DRC11: variants seen among roughly 807,000 people sequenced by gnomAD.
The protein encoded by DRC11 is IQ and AAA domain-containing protein 1.
chr2:236,443,079 T>C, the DRC11 span, among the ~76,000 whole-genome samples: 5 of 152,322 alleles, frequency 3.3e-5, no homozygotes, highest in South Asian at 2.1e-4. This position sits in a 1 kb window ranked among gnomAD's most constrained non-coding sequence, Gnocchi z 4.4. Context: ...TTTTGTCACA[T>C]AGAACGTTAA....
the DRC11 span, among the ~76,000 whole-genome samples, chr2:236,378,172 T>A: frequency 6.6e-6 from 1 of 152,192 alleles, no homozygotes; most frequent in African/African-American, 2.4e-5. Context: ...TTGTATTGCA[T>A]CAAACATTTA....
At chr2:236,362,309 C>T in the DRC11 span, among the ~76,000 whole-genome samples, 1 of 152,172 alleles carries the variant, frequency 6.6e-6, no homozygotes, top group Admixed American at 6.5e-5. This position sits in a 1 kb window ranked among gnomAD's most constrained non-coding sequence, Gnocchi z 5.7. Flanking sequence ...TGCATATATA[C>T]ACAGATTTTC....
the DRC11 span, among the ~76,000 whole-genome samples, chr2:236,351,856 A>T: frequency 2.0e-5 from 3 of 151,730 alleles, no homozygotes; most frequent in African/African-American, 7.3e-5. The surrounding 1 kb of genome is among the most constrained non-coding windows in gnomAD (Gnocchi z 7.3). Flanking sequence ...CTAGATGCCC[A>T]GTGGATGGTA....
the DRC11 span, among the ~76,000 whole-genome samples, chr2:236,438,550 C>T: frequency 3.3e-5 from 5 of 151,724 alleles, no homozygotes; most frequent in South Asian, 2.1e-4. Context: ...GCCATTTTCA[C>T]GATATTGATT....
chr2:236,444,327 G>A, the DRC11 span, among the ~76,000 whole-genome samples: 1 of 152,228 alleles, frequency 6.6e-6, no homozygotes, highest in African/African-American at 2.4e-5. Context: ...GCAGGTGTAT[G>A]GCAGTGAAGA....
chr2:236,436,174 T>C, the DRC11 span, among the ~76,000 whole-genome samples: 1 of 152,222 alleles, frequency 6.6e-6, no homozygotes, highest in Admixed American at 6.5e-5. Context: ...TTTTCTTGTG[T>C]TAAATTCCTG....
chr2:236,367,937 C>G, the DRC11 span: 1 of 501,514 alleles, frequency 2.0e-6, no homozygotes, highest in Non-Finnish European at 3.6e-6. This position sits in a 1 kb window ranked among gnomAD's most constrained non-coding sequence, Gnocchi z 4.8. Flanking sequence ...TATTATCTCC[C>G]CAGCTCATTG....
chr2:236,307,651 C>T, the DRC11 span, among the ~76,000 whole-genome samples: 1 of 152,106 alleles, frequency 6.6e-6, no homozygotes, highest in African/African-American at 2.4e-5. This position sits in a 1 kb window ranked among gnomAD's most constrained non-coding sequence, Gnocchi z 7.0. Context: ...TCATCTAAGG[C>T]AGGGGGTGTG....
the DRC11 span, among the ~76,000 whole-genome samples, chr2:236,494,160 ATTAC>A: frequency 2.6e-4 from 39 of 152,336 alleles, no homozygotes; most frequent in African/African-American, 8.7e-4. This position sits in a 1 kb window ranked among gnomAD's most constrained non-coding sequence, Gnocchi z 4.2. Context: ...TTAACTAATG[ATTAC>A]TTAATAGATT....
chr2:236,456,766 A>ATG, the DRC11 span, among the ~76,000 whole-genome samples: 1 of 152,200 alleles, frequency 6.6e-6, no homozygotes, highest in Non-Finnish European at 1.5e-5. This position sits in a 1 kb window ranked among gnomAD's most constrained non-coding sequence, Gnocchi z 5.4. Flanking sequence ...AATGAGCTGG[A>ATG]TGTCAGGCAT....
At chr2:236,308,847 C>T in the DRC11 span, among the ~76,000 whole-genome samples, 2 of 152,122 alleles carry the variant, frequency 1.3e-5, no homozygotes, top group African/African-American at 4.8e-5. The surrounding 1 kb of genome is among the most constrained non-coding windows in gnomAD (Gnocchi z 6.0). Context: ...CACACTGTGC[C>T]CCATAAATAT....
At chr2:236,323,336 T>A in the DRC11 span, among the ~76,000 whole-genome samples, 4 of 152,162 alleles carry the variant, frequency 2.6e-5, no homozygotes, top group East Asian at 3.9e-4. This position sits in a 1 kb window ranked among gnomAD's most constrained non-coding sequence, Gnocchi z 6.4. Context: ...CTAGACATAA[T>A]CTGAAGTGGG....
the DRC11 span, among the ~76,000 whole-genome samples, chr2:236,342,967 T>C: frequency 6.6e-6 from 1 of 152,152 alleles, no homozygotes. The surrounding 1 kb of genome is among the most constrained non-coding windows in gnomAD (Gnocchi z 5.8). Context: ...GCAAAGACCA[T>C]GCCTCCAGTG....
the DRC11 span, among the ~76,000 whole-genome samples, chr2:236,335,721 A>T: frequency 6.6e-6 from 1 of 152,142 alleles, no homozygotes; most frequent in South Asian, 2.1e-4. The surrounding 1 kb of genome is among the most constrained non-coding windows in gnomAD (Gnocchi z 5.6). Context: ...ACCCTACCTT[A>T]TTCCATTAAC....
chr2:236,358,123 AATAT>A, the DRC11 span, among the ~76,000 whole-genome samples: 11 of 118,930 alleles, frequency 9.2e-5, no homozygotes, highest in Admixed American at 5.9e-4. Context: ...ACACTATATG[AATAT>A]ATATTTATAA....
At chr2:236,367,188 T>G in the DRC11 span, among the ~76,000 whole-genome samples, 1 of 150,130 alleles carries the variant, frequency 6.7e-6, no homozygotes, top group East Asian at 1.9e-4. The surrounding 1 kb of genome is among the most constrained non-coding windows in gnomAD (Gnocchi z 4.8). Flanking sequence ...TCTATTTTAT[T>G]TCCATTGACA....
the DRC11 span, among the ~76,000 whole-genome samples, chr2:236,415,141 T>A: frequency 2.0e-5 from 3 of 152,160 alleles, no homozygotes; most frequent in African/African-American, 7.2e-5. The surrounding 1 kb of genome is among the most constrained non-coding windows in gnomAD (Gnocchi z 5.7). Context: ...AATATTCAGA[T>A]AGGATTATCC....
the DRC11 span, among the ~76,000 whole-genome samples, chr2:236,330,926 T>C: frequency 1.3e-5 from 2 of 152,222 alleles, no homozygotes; most frequent in Admixed American, 6.5e-5. This position sits in a 1 kb window ranked among gnomAD's most constrained non-coding sequence, Gnocchi z 5.5. Context: ...ATCTTGTGGC[T>C]TCCTATCGCA....
the DRC11 span, among the ~76,000 whole-genome samples, chr2:236,477,415 T>C: frequency 2.6e-5 from 4 of 152,124 alleles, no homozygotes; most frequent in African/African-American, 9.7e-5. Context: ...TCATAAAAGT[T>C]TTCATCCTCA....
Sources: allele counts gnomAD v4.1 joint callset (sites outside exome capture counted in the v4.1 genomes callset), GRCh38; gene constraint gnomAD v4.1.1; non-coding constraint Gnocchi (gnomAD v3.1); transcripts MANE v1.5; gene names NCBI Gene and HGNC (gene_info 2026-07-23, HGNC 2026-07-21).